SDK1: variants seen among roughly 807,000 people sequenced by gnomAD.
SDK1 encodes sidekick cell adhesion molecule 1.
SDK1 carries 157 observed loss-of-function variants against 245.5 expected under a neutral mutation model. The ratio of observed to expected loss-of-function variants is 0.64; its 90% confidence interval spans 0.56 to 0.73. The LOEUF is 0.73. Among genes scored for constraint, SDK1 ranks in the 30% least tolerant of loss-of-function variants. The pLI is 0.00. For synonymous variants in SDK1, 1,647 were observed against 1,278.5 expected (o/e 1.29, Z -6.15); for missense variants, 3,583 against 3,002.3 (o/e 1.19, Z -4.52).
chr7:3,981,652 G>C (rs1783412033), intron 13 of SDK1, among the ~76,000 whole-genome samples: 1 of 152,180 alleles, frequency 6.6e-6, no homozygotes, highest in South Asian at 2.1e-4. Flanking sequence ...GAGAAAGTTT[G>C]AGTGGTCTGG....
At chr7:3,936,377 C>A (rs1057018308) in intron 5 of SDK1, among the ~76,000 whole-genome samples, 1 of 151,672 alleles carries the variant, frequency 6.6e-6, no homozygotes, top group African/African-American at 2.4e-5. Context: ...GTCAGGAGAT[C>A]GAGAACATCC....
At position 4,267,072 on chromosome 7, in the gene SDK1, C is replaced by T; in HGVS notation, c.*1688C>T. 1.0e-6 allele frequency: 1 copy of T among 985,526 alleles called. No homozygotes were observed. Among genetic ancestry groups the T allele is most frequent in the Non-Finnish European group, 1.2e-6 (1 of 829,986 alleles). 61.0% of individuals were successfully genotyped at this position (985,526 alleles called of 1,614,324 possible). ...CCTGGATTCTGTGCTGTCAGCGTTG[C>T]TGAGTATGGCCCCAGGAGACCAAGG... On this transcript the variant is annotated 3_prime_UTR_variant, in exon 45 of 45. Coordinates refer to ENST00000404826, the MANE Select transcript of SDK1 (RefSeq NM_152744.4).
intron 1 of SDK1, among the ~76,000 whole-genome samples, chr7:3,326,139 G>A (rs944640659): frequency 1.3e-5 from 2 of 151,964 alleles, no homozygotes; most frequent in African/African-American, 4.8e-5. Context: ...AATGATACTC[G>A]TTCACTGCAA....
At chr7:4,260,040 C>T (rs1187343495) in intron 44 of SDK1, among the ~76,000 whole-genome samples, 1 of 152,236 alleles carries the variant, frequency 6.6e-6, no homozygotes, top group Non-Finnish European at 1.5e-5. Context: ...GGAGCCACTG[C>T]CACGTTTATC....
intron 1 of SDK1, among the ~76,000 whole-genome samples, chr7:3,561,822 A>G (rs897847880): frequency 6.6e-6 from 1 of 152,248 alleles, no homozygotes; most frequent in Non-Finnish European, 1.5e-5. Flanking sequence ...GATTTAAACA[A>G]AATTCATTAT....
chr7:4,045,063 T>C (rs1301449243), intron 17 of SDK1, among the ~76,000 whole-genome samples: 2 of 152,208 alleles, frequency 1.3e-5, no homozygotes, highest in Non-Finnish European at 2.9e-5. Flanking sequence ...CTTAGTGTCA[T>C]GCATTTGAGA....
chr7:4,029,136 G>T, intron 17 of SDK1, among the ~76,000 whole-genome samples: 1 of 134,928 alleles, frequency 7.4e-6, no homozygotes, highest in Non-Finnish European at 1.6e-5. Context: ...CCTTTTCCGA[G>T]GGGGGTGGGG....
chr7:3,567,346 A>G (rs1169976672), intron 1 of SDK1, among the ~76,000 whole-genome samples: 1 of 152,176 alleles, frequency 6.6e-6, no homozygotes, highest in Admixed American at 6.5e-5. Context: ...TGTGAGAGTA[A>G]ATGCCTAGTC....
chr7:3,769,080 A>G (rs986326272), intron 4 of SDK1, among the ~76,000 whole-genome samples: 1 of 152,140 alleles, frequency 6.6e-6, no homozygotes. Context: ...TTTAAATAAG[A>G]CTTTTTATTT....
chr7:3,986,381 T>C (rs547820579), intron 13 of SDK1, among the ~76,000 whole-genome samples: 1 of 152,306 alleles, frequency 6.6e-6, no homozygotes, highest in Admixed American at 6.5e-5. Flanking sequence ...AACCTCATGC[T>C]GTCAATAAAT....
At chr7:4,229,554 G>A (rs186388389) in intron 40 of SDK1, among the ~76,000 whole-genome samples, 92 of 152,290 alleles carry the variant, frequency 6.0e-4, no homozygotes, top group African/African-American at 2.1e-3. Flanking sequence ...GTGGCCTTTA[G>A]GTGATGGTAC....
chr7:4,046,866 G>A (rs1392977221), intron 17 of SDK1, among the ~76,000 whole-genome samples: 1 of 151,780 alleles, frequency 6.6e-6, no homozygotes, highest in Non-Finnish European at 1.5e-5. Context: ...CTGTAACCCA[G>A]GCTGGAGTGC....
intron 1 of SDK1, among the ~76,000 whole-genome samples, chr7:3,435,193 A>C (rs1471838897): frequency 6.6e-6 from 1 of 150,978 alleles, no homozygotes; most frequent in Non-Finnish European, 1.5e-5. Flanking sequence ...TTTTCTCATT[A>C]TTTATGGAAG....
At chr7:4,220,357 G>T in intron 39 of SDK1, 87 bp downstream of exon 39, 1 of 1,414,582 alleles carries the variant, frequency 7.1e-7, no homozygotes, top group Non-Finnish European at 9.7e-7. Context: ...CATCTACATG[G>T]TCAACAAGGT....
chr7:3,623,441 A>G (rs1782008140), intron 2 of SDK1, among the ~76,000 whole-genome samples: 1 of 151,970 alleles, frequency 6.6e-6, no homozygotes, highest in East Asian at 1.9e-4. Flanking sequence ...GGGTTTCACC[A>G]TGATGGCCAG....
At chr7:3,466,492 G>A (rs114740313) in intron 1 of SDK1, among the ~76,000 whole-genome samples, 1 of 148,152 alleles carries the variant, frequency 6.7e-6, no homozygotes, top group South Asian at 2.3e-4. Flanking sequence ...CAGCTAAGTT[G>A]TGTGTTGTCA....
chr7:4,157,518 G>GGGGT (rs1780839936), intron 30 of SDK1, among the ~76,000 whole-genome samples: 1 of 136,768 alleles, frequency 7.3e-6, no homozygotes, highest in African/African-American at 2.6e-5. Flanking sequence ...AGCAAGGAGC[G>GGGGT]GGGAGGGAGG....
chr7:3,616,323 A>C (rs765423060), intron 1 of SDK1, among the ~76,000 whole-genome samples: 1 of 152,232 alleles, frequency 6.6e-6, no homozygotes, highest in Non-Finnish European at 1.5e-5. Context: ...CAGCATGGAC[A>C]GTCACGCAAC....
At chr7:4,259,800 G>A (rs530594748) in intron 44 of SDK1, among the ~76,000 whole-genome samples, 1 of 152,266 alleles carries the variant, frequency 6.6e-6, no homozygotes, top group South Asian at 2.1e-4. Context: ...CCTGTTGCGC[G>A]GATCCTAGAG....
Sources: allele counts gnomAD v4.1 joint callset (sites outside exome capture counted in the v4.1 genomes callset), GRCh38; gene constraint gnomAD v4.1.1; transcripts MANE v1.5; gene names NCBI Gene and HGNC (gene_info 2026-07-23, HGNC 2026-07-21).